The following PAK5 variants were observed in gnomAD, a reference collection of about 807,000 sequenced individuals.
The protein encoded by PAK5 is serine/threonine-protein kinase PAK 5.
In PAK5, 16 loss-of-function variants were observed where a neutral mutation model predicts 65.9. That is an observed-to-expected ratio of 0.24 (90% confidence interval 0.16 to 0.37). The LOEUF is 0.37. Ranked by LOEUF, PAK5 falls within the 10% of genes least tolerant of loss-of-function variation. PAK5 has a pLI of 1.00. For synonymous variants in PAK5, 371 were observed against 354.9 expected (o/e 1.05, Z -0.51); for missense variants, 785 against 903.9 (o/e 0.87, Z 1.69).
At chr20:9,687,116 C>T (rs1258770456) in intron 2 of PAK5, among the ~76,000 whole-genome samples, 1 of 152,196 alleles carries the variant, frequency 6.6e-6, no homozygotes, top group Non-Finnish European at 1.5e-5. Context: ...AACCTCCAGC[C>T]TATCTTATGC....
At chr20:9,678,423 CG>C (rs1249132563) in intron 2 of PAK5, among the ~76,000 whole-genome samples, 1 of 152,054 alleles carries the variant, frequency 6.6e-6, no homozygotes, top group African/African-American at 2.4e-5. Context: ...AAAAATTAGC[CG>C]GGCATTGTGG....
At chr20:9,771,692 A>G (rs2048835819) in intron 1 of PAK5, among the ~76,000 whole-genome samples, 2 of 149,836 alleles carry the variant, frequency 1.3e-5, no homozygotes, top group Non-Finnish European at 2.9e-5. Context: ...AAGTGCTGGT[A>G]TTACAGGCAT....
intron 3 of PAK5, among the ~76,000 whole-genome samples, chr20:9,632,190 AT>A (rs2046930563): frequency 6.6e-6 from 1 of 152,162 alleles, no homozygotes; most frequent in Admixed American, 6.5e-5. Flanking sequence ...ATTATATAGA[AT>A]TTCCCAGCTA....
chr20:9,671,290 G>T (rs2047494152), intron 2 of PAK5, among the ~76,000 whole-genome samples: 1 of 152,144 alleles, frequency 6.6e-6, no homozygotes, highest in Non-Finnish European at 1.5e-5. Context: ...CTTTAAAGTA[G>T]TTTTTTCCAA....
At chr20:9,794,436 A>C (rs1426932713) in intron 1 of PAK5, among the ~76,000 whole-genome samples, 2 of 152,108 alleles carry the variant, frequency 1.3e-5, no homozygotes, top group Non-Finnish European at 2.9e-5. Context: ...TAAGCAATAA[A>C]GACTAATAGG....
intron 9 of PAK5, among the ~76,000 whole-genome samples, chr20:9,541,582 G>A (rs553680257): frequency 7.2e-5 from 11 of 152,098 alleles, no homozygotes; most frequent in South Asian, 2.1e-4. Context: ...GATGCTCCCC[G>A]TGCCTGGGAC....
At chr20:9,564,827 T>C (rs2045648014) in intron 5 of PAK5, among the ~76,000 whole-genome samples, 1 of 152,094 alleles carries the variant, frequency 6.6e-6, no homozygotes, top group South Asian at 2.1e-4. Context: ...TAAAAGATTA[T>C]TAAGCCATTA....
chr20:9,810,051 A>AT (rs1242941173), intron 1 of PAK5, among the ~76,000 whole-genome samples: 1 of 151,794 alleles, frequency 6.6e-6, no homozygotes, highest in African/African-American at 2.4e-5. Flanking sequence ...TTACCACCTT[A>AT]TTTTTGTCAG....
chr20:9,542,919 T>C (rs890658013), intron 8 of PAK5, among the ~76,000 whole-genome samples, 199 bp from the exon 9 acceptor site: 3 of 152,210 alleles, frequency 2.0e-5, no homozygotes, highest in Non-Finnish European at 4.4e-5. Flanking sequence ...ACAACTTCAG[T>C]GAAGGTTCCA....
intron 2 of PAK5, among the ~76,000 whole-genome samples, chr20:9,686,521 T>G (rs2047721576): frequency 6.6e-6 from 1 of 152,146 alleles, no homozygotes; most frequent in Admixed American, 6.6e-5. Flanking sequence ...TCTCCCAAAC[T>G]GCTGGGATTA....
intron 1 of PAK5, among the ~76,000 whole-genome samples, chr20:9,831,495 A>G (rs1444340942): frequency 2.0e-5 from 3 of 152,236 alleles, no homozygotes. Flanking sequence ...TGATTCATAA[A>G]ACAACACATC....
intron 3 of PAK5, among the ~76,000 whole-genome samples, chr20:9,582,355 C>A (rs76029687): frequency 0.016 from 2,440 of 152,196 alleles, 113 homozygotes; most frequent in East Asian, 0.13. Flanking sequence ...TTGAGGAGTA[C>A]TGGTGAGGTA....
chr20:9,567,112 T>A (rs935242971), intron 4 of PAK5, among the ~76,000 whole-genome samples: 3 of 152,160 alleles, frequency 2.0e-5, no homozygotes, highest in Non-Finnish European at 2.9e-5. Flanking sequence ...CTCTGGCCAC[T>A]CCTGGAATTG....
At chr20:9,807,609 G>A (rs1442033282) in intron 1 of PAK5, among the ~76,000 whole-genome samples, 3 of 152,004 alleles carry the variant, frequency 2.0e-5, no homozygotes, top group African/African-American at 7.2e-5. Context: ...ACAAGTCAAT[G>A]TGGCAGGGAT....
intron 1 of PAK5, among the ~76,000 whole-genome samples, chr20:9,777,739 C>G (rs6039573): frequency 0.81 from 122,729 of 152,194 alleles, 49,921 homozygotes; most frequent in African/African-American, 0.93. Flanking sequence ...GAGAACAAAA[C>G]TAGTGGGGAA....
At chr20:9,648,834 C>T (rs2047168117) in intron 2 of PAK5, among the ~76,000 whole-genome samples, 1 of 152,188 alleles carries the variant, frequency 6.6e-6, no homozygotes, top group African/African-American at 2.4e-5. Flanking sequence ...TCTTAGGGAA[C>T]CCAGTTGGTG....
At chr20:9,662,315 G>C (rs1227048195) in intron 2 of PAK5, among the ~76,000 whole-genome samples, 3 of 152,018 alleles carry the variant, frequency 2.0e-5, no homozygotes, top group Non-Finnish European at 4.4e-5. Flanking sequence ...GCGCTAACAA[G>C]AAGACTACCT....
At chr20:9,716,895 G>A (rs2048153708) in intron 1 of PAK5, among the ~76,000 whole-genome samples, 1 of 151,998 alleles carries the variant, frequency 6.6e-6, no homozygotes, top group Non-Finnish European at 1.5e-5. Context: ...ACCAGCCTGA[G>A]CAACATGGCG....
At chr20:9,788,386 A>G (rs748516633) in intron 1 of PAK5, among the ~76,000 whole-genome samples, 1 of 152,010 alleles carries the variant, frequency 6.6e-6, no homozygotes, top group Non-Finnish European at 1.5e-5. Context: ...AGATCCAGAT[A>G]AGCTTTAAAT....
Sources: allele counts gnomAD v4.1 joint callset (sites outside exome capture counted in the v4.1 genomes callset), GRCh38; gene constraint gnomAD v4.1.1; transcripts MANE v1.5; gene names NCBI Gene and HGNC (gene_info 2026-07-23, HGNC 2026-07-21).